Variants in LEPR observed in about 807,000 individuals in gnomAD.
LEPR encodes OB receptor.
LEPR carries 56 observed loss-of-function variants against 114.7 expected under a neutral mutation model. The observed-to-expected ratio is 0.49, with a 90% CI of 0.39 to 0.61. LEPR has a LOEUF of 0.61. Among genes scored for constraint, LEPR ranks in the 20% least tolerant of loss-of-function variants. The pLI is 0.00. For missense variants in LEPR, 1,202 were observed against 1,352.9 expected (o/e 0.89, Z 1.75); for synonymous variants, 443 against 461.4 (o/e 0.96, Z 0.51).
At chr1:65,547,458 G>A (rs1007078794) in intron 2 of LEPR, among the ~76,000 whole-genome samples, 12 of 151,408 alleles carry the variant, frequency 7.9e-5, no homozygotes, top group Non-Finnish European at 1.0e-4. Flanking sequence ...TGGTTGGTAA[G>A]CTATTGATTA....
chr1:65,567,351 C>T (rs1390861955), intron 3 of LEPR, among the ~76,000 whole-genome samples: 1 of 152,198 alleles, frequency 6.6e-6, no homozygotes, highest in Non-Finnish European at 1.5e-5. Context: ...ATATATAATG[C>T]TGTAAATTAG....
rs530489252 is a variant in LEPR at position 65,619,233 on chromosome 1, G to A, written c.2396-695G>A. Among the ~76,000 whole-genome samples the A allele has an allele frequency of 1.8e-3, 278 of 152,196 alleles. 1 individual carries two copies. The highest frequency in any genetic ancestry group is 3.2e-3 in the Non-Finnish European group (216 of 68,006). On this transcript the variant is annotated intron_variant, in intron 16 of 19. Coordinates refer to ENST00000349533, the MANE Select transcript of LEPR (RefSeq NM_002303.6). ...GAATTTAGTTCATCACCACTGATGC[G>A]CAGGTAGTTTCTCTCTGTGCTTTTC...
chr1:65,469,503 A>G (rs185850192), intron 2 of LEPR, among the ~76,000 whole-genome samples: 4 of 152,324 alleles, frequency 2.6e-5, no homozygotes, highest in Admixed American at 1.3e-4. Context: ...TTGGCAACAG[A>G]TGACTAAATA....
chr1:65,572,591 GT>G, intron 5 of LEPR, 142 bp downstream of exon 5: 2 of 919,588 alleles, frequency 2.2e-6, no homozygotes, highest in Non-Finnish European at 1.6e-6. Flanking sequence ...ATTCTGCTCT[GT>G]TAGGTTTCCT....
At chr1:65,622,528 G>A (rs1657951106) in intron 18 of LEPR, among the ~76,000 whole-genome samples, 1 of 152,148 alleles carries the variant, frequency 6.6e-6, no homozygotes. Flanking sequence ...AGAGAGAGGA[G>A]ATTTTAGAAT....
At chr1:65,610,990 G>A (rs1657131567) in intron 14 of LEPR, among the ~76,000 whole-genome samples, 1 of 152,176 alleles carries the variant, frequency 6.6e-6, no homozygotes, top group Non-Finnish European at 1.5e-5. Flanking sequence ...CAAAGCCTCT[G>A]TAAAAGTTGT....
chr1:65,634,469 T>A, intron 19 of LEPR: 22 of 955,510 alleles, frequency 2.3e-5, no homozygotes, highest in Non-Finnish European at 2.6e-5. Context: ...ATAGTGAAAT[T>A]TTTTAAATGG....
intron 2 of LEPR, among the ~76,000 whole-genome samples, chr1:65,517,417 T>C (rs1000606076): frequency 2.0e-5 from 3 of 152,218 alleles, no homozygotes; most frequent in African/African-American, 7.2e-5. Context: ...ACCCTGACCA[T>C]CTTGAAAATA....
At chr1:65,443,970 T>A (rs10889554) in intron 2 of LEPR, among the ~76,000 whole-genome samples, 19,883 of 42,320 alleles carry the variant, frequency 0.47, 7,881 homozygotes, top group African/African-American at 0.8. Context: ...TTTTTTTTTT[T>A]TTATACTCTA....
intron 2 of LEPR, among the ~76,000 whole-genome samples, chr1:65,447,554 C>G (rs1201803002): frequency 1.4e-5 from 2 of 141,032 alleles, no homozygotes; most frequent in Admixed American, 7.2e-5. Context: ...TTTTTTGATA[C>G]AGGGTCTCAC....
At chr1:65,444,333 C>T (rs1646686524) in intron 2 of LEPR, among the ~76,000 whole-genome samples, 1 of 152,090 alleles carries the variant, frequency 6.6e-6, no homozygotes, top group Non-Finnish European at 1.5e-5. Flanking sequence ...GCCTTTCCTC[C>T]CCACACCCTC....
In LEPR at chr1:65,495,599, C is replaced by T. The variant is rs141587413; in HGVS notation, c.-20-69947C>T. ...GTATGTTGAAAATATATCTGCACTC[C>T]CATGTTTATTGCAGTGCTATTCACA... On this transcript the variant is annotated intron_variant, in intron 2 of 19. Transcript: ENST00000349533. 2.6e-3 allele frequency among the ~76,000 whole-genome samples: 392 copies of T among 152,162 alleles called. 3 individuals are homozygous for T. The highest frequency in any genetic ancestry group is 8.7e-3 in the African/African-American group (363 of 41,522).
chr1:65,510,975 T>C (rs905543756), intron 2 of LEPR, among the ~76,000 whole-genome samples: 2 of 152,274 alleles, frequency 1.3e-5, no homozygotes, highest in Non-Finnish European at 1.5e-5. Flanking sequence ...ACACTCCCAC[T>C]GCACCCCACC....
chr1:65,573,823 G>T (rs1231926417), intron 5 of LEPR, among the ~76,000 whole-genome samples: 1 of 152,178 alleles, frequency 6.6e-6, no homozygotes. Context: ...AAATGTTCTG[G>T]AGTTGGGGAG....
chr1:65,560,015 G>C (rs1029853805), intron 2 of LEPR, among the ~76,000 whole-genome samples: 2 of 146,384 alleles, frequency 1.4e-5, no homozygotes, highest in Non-Finnish European at 3.0e-5. Context: ...TTTGGCTTAG[G>C]ATTGACTTGG....
chr1:65,525,375 C>A (rs1649865018), intron 2 of LEPR, among the ~76,000 whole-genome samples: 1 of 152,184 alleles, frequency 6.6e-6, no homozygotes, highest in African/African-American at 2.4e-5. Context: ...CGCGGCACCG[C>A]GTGCTTGCTG....
intron 19 of LEPR, among the ~76,000 whole-genome samples, chr1:65,631,706 G>A (rs999089287): frequency 6.6e-6 from 1 of 151,976 alleles, no homozygotes; most frequent in African/African-American, 2.4e-5. Flanking sequence ...TTGAATTTTT[G>A]TTGTAAGAAA....
At chr1:65,622,206 A>G (rs180708847) in intron 18 of LEPR, among the ~76,000 whole-genome samples, 39 of 152,292 alleles carry the variant, frequency 2.6e-4, no homozygotes, top group Admixed American at 2.2e-3. Flanking sequence ...CCTAAGCAGT[A>G]TGTTCTTGGA....
chr1:65,569,535 C>T (rs1056468046), intron 3 of LEPR, among the ~76,000 whole-genome samples: 2 of 151,834 alleles, frequency 1.3e-5, no homozygotes, highest in East Asian at 1.9e-4. Flanking sequence ...GGCAAAACCC[C>T]GTCTCTACTA....
Sources: gnomAD v4.1 joint callset for allele counts (sites outside exome capture counted in the v4.1 genomes callset) on GRCh38, gnomAD v4.1.1 for gene constraint, MANE v1.5 for transcripts, NCBI Gene and HGNC (gene_info 2026-07-23, HGNC 2026-07-21) for gene names.